DNAH17: variants seen among roughly 807,000 people sequenced by gnomAD.
DNAH17 encodes dynein axonemal heavy chain 17.
Under a neutral mutation model 485.6 loss-of-function variants are expected in DNAH17, and 376 were observed. The observed-to-expected ratio is 0.77, with a 90% CI of 0.71 to 0.84. The LOEUF (loss-of-function observed/expected upper bound fraction) is 0.84. Among genes scored for constraint, DNAH17 ranks in the 40% least tolerant of loss-of-function variants. The pLI is 0.00. For synonymous variants in DNAH17, 3,031 were observed against 2,405.9 expected, an observed-to-expected ratio of 1.26 and a Z score of -7.60; for missense variants, 6,370 against 5,839.3, an observed-to-expected ratio of 1.09 and a Z score of -2.96.
rs2089312736 is a variant in DNAH17 at position 78,480,771 on chromosome 17, C to T, written c.7665G>A (p.Lys2555=). Residue 2555 remains lysine (K), a synonymous_variant, in exon 49 of 81, where the codon AAG becomes AAA. Coordinates refer to ENST00000389840, the MANE Select transcript of DNAH17 (RefSeq NM_173628.4). ...MDHRHWYDRH[K]LTLKDIHNCQ... ...AATTATGGATATCTTTTAACGTCAG[C>T]TTATGTCTGTCATACCTGAGGGGGG... The T allele has an allele frequency of 1.2e-6, 2 of 1,613,054 alleles. No homozygotes were observed. Among genetic ancestry groups the T allele is most frequent in the Non-Finnish European group, 1.7e-6 (2 of 1,179,532 alleles).
At position 78,426,540 on chromosome 17, in the gene DNAH17, C is replaced by T. The variant is rs762179471; in HGVS notation, c.12832G>A (p.Val4278Met). The stretch of plus-strand genomic sequence containing the variant: ...GCCCGGGCCACCCACGTATCAGGCA[C>T]GGTGTCATAGAAGAGAGCCGTGGAC... ...DLSTALFYDTVPDTWVARAYP... is the reference protein window; with the variant it reads ...DLSTALFYDTMPDTWVARAYP... Residue 4278 changes from valine to methionine, a missense_variant, in exon 79 of 81, where the codon GTG (valine) becomes ATG (methionine). Transcript: ENST00000389840. The T allele has an allele frequency of 9.3e-6, 15 of 1,613,666 alleles. No homozygotes were observed. Among genetic ancestry groups the T allele is most frequent in the Admixed American group, 5.0e-5 (3 of 59,988 alleles).
intron 51 of DNAH17, among the ~76,000 whole-genome samples, chr17:78,476,936 T>C (rs189241984): frequency 6.6e-6 from 1 of 152,236 alleles, no homozygotes; most frequent in East Asian, 1.9e-4. Context: ...GTGTGTGTCC[T>C]GAGAGATGTG....
chr17:78,458,841 C>A (rs2087939719), intron 61 of DNAH17, 160 bp downstream of exon 61: 1 of 1,040,186 alleles, frequency 9.6e-7, no homozygotes, highest in Non-Finnish European at 1.4e-6. Context: ...CCAAGCGGCT[C>A]CCGGCACCAT....
In DNAH17 at chr17:78,558,113, T is replaced by G; in HGVS notation, c.2173A>C (p.Asn725His). ...GNLELIVGWY[N>H]EIKTIVKAVE... ...GTACCGACTCACCAACTCACCTCAT[T>G]ATACCAGCCAACGATGAGCTCCAGG... The change falls in exon 14 of 81, where the codon AAT becomes CAT. Residue 725 changes from asparagine (N) to histidine (H), a missense_variant. Transcript: ENST00000389840. 6.2e-7 allele frequency: 1 copy of G among 1,613,386 alleles called. No individual in the cohort carries two copies. The highest frequency in any genetic ancestry group is 1.1e-5 in the South Asian group (1 of 90,902).
intron 25 of DNAH17, among the ~76,000 whole-genome samples, chr17:78,519,406 G>A (rs1170486398): frequency 6.6e-6 from 1 of 152,052 alleles, no homozygotes; most frequent in Admixed American, 6.6e-5. Context: ...TAGAAAATGA[G>A]CAAGATAAAC....
Position 78,476,661 on chromosome 17 carries a change from C to T in DNAH17, c.8065G>A (p.Glu2689Lys). Residue 2689 changes from glutamate (E) to lysine (K), a missense_variant, in exon 52 of 81, where the codon GAA (glutamate) becomes AAA (lysine). By Grantham distance (56) the Glu-to-Lys change is moderately conservative. Coordinates refer to ENST00000389840, the MANE Select transcript of DNAH17 (RefSeq NM_173628.4). Reference sequence around the variant, plus strand: ...ACCATTTTGTCACCATACACTCGTTCAGTCTCATGTAGCCAAAGGCGGACG... The same window carrying T: ...ACCATTTTGTCACCATACACTCGTTTAGTCTCATGTAGCCAAAGGCGGACG... ...DLVRLWLHET[E>K]RVYGDKMVDE... 1 of 1,612,964 alleles carries T rather than the reference C, an allele frequency of 6.2e-7. No individual in the cohort carries two copies. Among genetic ancestry groups the T allele is most frequent in the Non-Finnish European group, 8.5e-7 (1 of 1,179,480 alleles).
intron 24 of DNAH17, among the ~76,000 whole-genome samples, chr17:78,525,837 T>C (rs910637558): frequency 6.6e-6 from 1 of 152,184 alleles, no homozygotes; most frequent in African/African-American, 2.4e-5. Flanking sequence ...GCTTGAGGAA[T>C]GCGACATGAG....
chr17:78,536,388 T>G (rs531544559), intron 19 of DNAH17, among the ~76,000 whole-genome samples: 116 of 152,234 alleles, frequency 7.6e-4, no homozygotes, highest in African/African-American at 2.7e-3. Flanking sequence ...AGGCGGAGGT[T>G]GCAGTCAGCT....
chr17:78,560,527 C>T (rs925733594), intron 13 of DNAH17, among the ~76,000 whole-genome samples: 1 of 152,004 alleles, frequency 6.6e-6, no homozygotes, highest in Admixed American at 6.6e-5. Context: ...ATCACAGGAA[C>T]GCTTTCAAGA....
Position 78,460,195 on chromosome 17 carries a change from C to CA in DNAH17, c.9401dup (p.Ala3135GlyfsTer11). 6.2e-7 allele frequency: 1 copy of CA among 1,609,346 alleles called. No homozygotes were observed. The highest frequency in any genetic ancestry group is 1.7e-4 in the Middle Eastern group (1 of 6,056). ...GAGTGTCCAGAGCCTCCTGGGCTGC[C>CA]AGCAGGGCCGGTTCTGCTTTGGCCA... On this transcript the variant is annotated frameshift_variant, in exon 59 of 81. Coordinates refer to ENST00000389840, the MANE Select transcript of DNAH17 (RefSeq NM_173628.4). LOFTEE classifies it high-confidence loss of function.
chr17:78,477,829 T>G (rs1442140543), intron 51 of DNAH17, among the ~76,000 whole-genome samples: 1 of 152,166 alleles, frequency 6.6e-6, no homozygotes, highest in Non-Finnish European at 1.5e-5. Context: ...AATCTCTGAC[T>G]CAGAGTAAGC....
rs559174794 is a variant in DNAH17, at chr17:78,450,133, G to A, written c.11040+121C>T. 3 of 1,217,814 alleles carry A rather than the reference G, an allele frequency of 2.5e-6. No individual in the cohort carries two copies. In the South Asian group the frequency reaches 4.3e-5, roughly 17 times the overall value. 75.4% of individuals were successfully genotyped at this position (1,217,814 alleles called of 1,614,324 possible). A position where few individuals can be genotyped will look rare whatever the true frequency, so the allele number is the denominator to read the frequency against. The stretch of plus-strand genomic sequence containing the variant: ...CAGCTCCATCTGCAGGCTGGACCAG[G>A]TCTGCCCTCTGAGGGTGGCCCTGGC... On this transcript the variant is annotated intron_variant, in intron 68 of 80. Transcript: ENST00000389840.
At chr17:78,547,615 CTA>C (rs1268438493) in intron 16 of DNAH17, among the ~76,000 whole-genome samples, 5 of 107,174 alleles carry the variant, frequency 4.7e-5, no homozygotes, top group Non-Finnish European at 9.1e-5. Context: ...TTGTTCATTA[CTA>C]TTTTTTTTTT....
chr17:78,552,925 G>C lies in DNAH17; in HGVS notation c.2179-120C>G. 6 of 711,998 alleles carry C rather than the reference G, an allele frequency of 8.4e-6. No homozygotes were observed. In the South Asian group the frequency reaches 9.9e-5, roughly 12 times the overall value. The allele number at this position is 711,998 out of a possible 1,614,324, so 44.1% of individuals were successfully genotyped here. On this transcript the variant is annotated intron_variant, in intron 14 of 80. Coordinates refer to ENST00000389840, the MANE Select transcript of DNAH17 (RefSeq NM_173628.4). Reference sequence around the variant, plus strand: ...CGGTTTGGATCTGTGTCCCCACTCAGGTCTCATGTTGAATTGTAATCCCCA... The same window carrying C: ...CGGTTTGGATCTGTGTCCCCACTCACGTCTCATGTTGAATTGTAATCCCCA...
rs2092279280 is a variant in DNAH17, at chr17:78,567,059, G to A, written c.1392C>T (p.Val464=). The part of the protein sequence containing the change: ...GSLVTRIYDE[V]FELVKVFADC... ...CGGCAAAAACCTTCACCAGCTCAAAGACCTCATCATAGATACGGGTCACCA... is the reference window on the plus strand; with the variant it reads ...CGGCAAAAACCTTCACCAGCTCAAAAACCTCATCATAGATACGGGTCACCA... The change falls in exon 10 of 81, where the codon GTC becomes GTT. Residue 464 remains valine (V), a synonymous_variant. Transcript: ENST00000389840. 2 of 1,613,746 alleles carry A rather than the reference G, an allele frequency of 1.2e-6. No individual in the cohort carries two copies. Among genetic ancestry groups the A allele is most frequent in the South Asian group, 2.2e-5 (2 of 91,022 alleles).
In DNAH17 at chr17:78,574,792, T is replaced by C. The variant is rs778125544; in HGVS notation, c.266A>G (p.Lys89Arg). Residue 89 changes from lysine to arginine, a missense_variant, in exon 2 of 81, where the codon AAG becomes AGG. Physicochemically the swap from Lys to Arg is conservative, Grantham distance 26. Coordinates refer to ENST00000389840, the MANE Select transcript of DNAH17 (RefSeq NM_173628.4). ...AAGGAGCCGGGCCCTGTAGTTGTCCTTGTTGATGTTCTCGGACTTTGTCTT... is the reference window on the plus strand; with the variant it reads ...AAGGAGCCGGGCCCTGTAGTTGTCCCTGTTGATGTTCTCGGACTTTGTCTT... ...FIKTKSENIN[K>R]DNYRARLLYG... is the part of the protein sequence containing the mutation. The C allele has an allele frequency of 8.5e-5, 137 of 1,614,014 alleles. No individual in the cohort carries two copies. The East Asian group carries it at 1.5e-3, about 18-fold the overall frequency.
At chr17:78,565,979 C>T (rs2092258679) in intron 11 of DNAH17, among the ~76,000 whole-genome samples, 1 of 151,916 alleles carries the variant, frequency 6.6e-6, no homozygotes, top group African/African-American at 2.4e-5. Context: ...AAAAACAAAA[C>T]AAAACAAAAA....
At chr17:78,425,756 C>CTTTTTTTTTTTTTTTTTTTTTTTTT (rs71160294) in intron 79 of DNAH17, among the ~76,000 whole-genome samples, 185 bp from the exon 80 acceptor site, 2 of 120,742 alleles carry the variant, frequency 1.7e-5, no homozygotes, top group African/African-American at 7.6e-5. Flanking sequence ...TTGGTGTCTG[C>CTTTTTTTTTTTTTTTTTTTTTTTTT]TTTTTTTTTT....
chr17:78,566,544 C>A, intron 11 of DNAH17, 70 bp downstream of exon 11: 2 of 1,140,876 alleles, frequency 1.8e-6, no homozygotes, highest in Non-Finnish European at 2.6e-6. Context: ...TCTCCAAGAT[C>A]GTTCTCGACA....
Sources: allele counts gnomAD v4.1 joint callset (sites outside exome capture counted in the v4.1 genomes callset), GRCh38; gene constraint gnomAD v4.1.1; transcripts MANE v1.5; gene names NCBI Gene and HGNC (gene_info 2026-07-23, HGNC 2026-07-21).